Variants in MORC3 observed in about 807,000 individuals in gnomAD.
The protein encoded by MORC3 is MORC family CW-type zinc finger 3.
Under a neutral mutation model 109.1 loss-of-function variants are expected in MORC3, and 31 were observed. The ratio of observed to expected loss-of-function variants is 0.28; its 90% CI spans 0.21 to 0.38. The LOEUF is 0.38. MORC3 is among the 10% of genes least tolerant of loss of function. The probability of loss-of-function intolerance (pLI) is 1.00; values close to 1 mark genes in which losing one functional copy is unlikely to be tolerated. For synonymous variants in MORC3, 395 were observed against 380.7 expected (o/e 1.04, Z -0.44); for missense variants, 867 against 1,135.8 (o/e 0.76, Z 3.40).
At chr21:36,366,586 C>T (rs1294090110) in intron 14 of MORC3, among the ~76,000 whole-genome samples, 1 of 152,072 alleles carries the variant, frequency 6.6e-6, no homozygotes, top group Non-Finnish European at 1.5e-5. Context: ...TCCTGAGTAG[C>T]TGAGATTACA....
intron 5 of MORC3, among the ~76,000 whole-genome samples, chr21:36,339,803 C>CTTG (rs1046113713): frequency 7.2e-5 from 11 of 152,198 alleles, no homozygotes; most frequent in Non-Finnish European, 1.2e-4. Context: ...ACTGAAAAAA[C>CTTG]TTGTGCTATT....
chr21:36,341,870 A>G (rs1277100392), intron 6 of MORC3, among the ~76,000 whole-genome samples: 2 of 152,230 alleles, frequency 1.3e-5, no homozygotes, highest in African/African-American at 4.8e-5. Context: ...TAGAATCAAT[A>G]TATTAGTCAG....
At chr21:36,352,632 A>G (rs2085585877) in intron 9 of MORC3, among the ~76,000 whole-genome samples, 1 of 152,124 alleles carries the variant, frequency 6.6e-6, no homozygotes, top group African/African-American at 2.4e-5. Context: ...ATTTGGAGCA[A>G]TTTGGATTTT....
chr21:36,369,619 G>A lies in MORC3; in HGVS notation c.2251G>A (p.Asp751Asn), dbSNP rs2085829875. ...AACTTGCCATCAGTCCACTGAAACC[G>A]ATGCTGTATTTTTACTTGAAAGTAT... Reference protein sequence around the residue: ...KETCHQSTETDAVFLLESING... With the variant: ...KETCHQSTETNAVFLLESING... The change falls in exon 15 of 17, where the codon GAT becomes AAT. Residue 751 changes from aspartate (D) to asparagine (N), a missense_variant. Physicochemically the swap from Asp to Asn is conservative, Grantham distance 23. This residue lies in a region of MORC3 where 486 missense variants were observed against 502.1 expected (regional missense o/e 0.97). Transcript: ENST00000400485. 6.8e-6 allele frequency: 11 copies of A among 1,614,058 alleles called. No homozygotes were observed. The highest frequency in any genetic ancestry group is 2.2e-5 in the South Asian group (2 of 91,076).
At chr21:36,372,114 G>T (rs1263654260) in intron 15 of MORC3, among the ~76,000 whole-genome samples, 1 of 151,732 alleles carries the variant, frequency 6.6e-6, no homozygotes, top group Non-Finnish European at 1.5e-5. Context: ...TGCCCGGCTG[G>T]TTTTTCATTT....
At position 36,344,896 on chromosome 21, in the gene MORC3, A is replaced by G. The variant is rs1195209940; in HGVS notation, c.886-16A>G. The stretch of plus-strand genomic sequence containing the variant: ...GAGTGAGGTGTTGTGTTCAAAATTT[A>G]CCTTAATATTTTAAGTCTAAAACAG... On this transcript the variant is annotated splice_polypyrimidine_tract_variant and intron_variant, in intron 7 of 16. Coordinates refer to ENST00000400485, the MANE Select transcript of MORC3 (RefSeq NM_015358.3). The G allele has an allele frequency of 2.5e-6, 4 of 1,609,314 alleles. 1 individual carries two copies. In the African/African-American group the frequency reaches 4.0e-5, roughly 16 times the overall value.
rs917813957 is a variant in MORC3 at position 36,339,063 on chromosome 21, C to T, written c.608+142C>T. 5 of 996,246 alleles carry T rather than the reference C, an allele frequency of 5.0e-6. 1 individual carries two copies. The African/African-American group carries it at 8.2e-5, about 16-fold the overall frequency. 61.7% of individuals were successfully genotyped at this position (996,246 alleles called of 1,614,324 possible). A position where few individuals can be genotyped will look rare whatever the true frequency, so the allele number is the denominator to read the frequency against. ...TGGTGTAGTTACTGATTTGTCTTTG[C>T]CCAGGATATGTTATAGAGGCCATTT... On this transcript the variant is annotated intron_variant, in intron 5 of 16. Coordinates refer to ENST00000400485, the MANE Select transcript of MORC3 (RefSeq NM_015358.3).
At chr21:36,326,383 G>T (rs977672503) in intron 1 of MORC3, among the ~76,000 whole-genome samples, 1 of 151,904 alleles carries the variant, frequency 6.6e-6, no homozygotes, top group South Asian at 2.1e-4. Flanking sequence ...AAAATTAGCC[G>T]GGCATGGTGA....
At chr21:36,342,242 A>C (rs1449713041) in intron 6 of MORC3, among the ~76,000 whole-genome samples, 2 of 151,872 alleles carry the variant, frequency 1.3e-5, no homozygotes, top group East Asian at 3.9e-4. Flanking sequence ...AGACGCCATC[A>C]CACACACACA....
intron 1 of MORC3, among the ~76,000 whole-genome samples, chr21:36,329,252 G>A (rs2085285048): frequency 6.6e-6 from 1 of 151,622 alleles, no homozygotes. Context: ...CCGAGATTAT[G>A]TCATTGCACT....
intron 9 of MORC3, among the ~76,000 whole-genome samples, chr21:36,354,425 C>T (rs2085620643): frequency 6.6e-6 from 1 of 151,268 alleles, no homozygotes. Context: ...CTGCCTCAGC[C>T]TCCTGAGTAG....
intron 10 of MORC3, among the ~76,000 whole-genome samples, chr21:36,357,683 AC>A (rs1355716654): frequency 6.7e-6 from 1 of 148,818 alleles, no homozygotes; most frequent in Non-Finnish European, 1.5e-5. Flanking sequence ...TGCTTTATAA[AC>A]CTCTAGATTG....
chr21:36,364,789 C>T (rs530123056), intron 14 of MORC3, among the ~76,000 whole-genome samples: 2 of 151,722 alleles, frequency 1.3e-5, no homozygotes, highest in East Asian at 3.9e-4. Context: ...CGGTGGTTCA[C>T]GCCTGTAATC....
chr21:36,370,093 G>T (rs760170531), intron 15 of MORC3, among the ~76,000 whole-genome samples: 2 of 152,048 alleles, frequency 1.3e-5, no homozygotes, highest in Non-Finnish European at 2.9e-5. Flanking sequence ...TTAGCCTAGC[G>T]TGGTGGTGGG....
At chr21:36,330,628 C>T (rs1317822506) in intron 1 of MORC3, among the ~76,000 whole-genome samples, 2 of 152,164 alleles carry the variant, frequency 1.3e-5, no homozygotes, top group Non-Finnish European at 2.9e-5. Flanking sequence ...TCAGAATAAA[C>T]ATCTTCAAAT....
chr21:36,330,670 A>G (rs2085304873), intron 1 of MORC3, among the ~76,000 whole-genome samples: 1 of 152,344 alleles, frequency 6.6e-6, no homozygotes, highest in South Asian at 2.1e-4. Flanking sequence ...TTTAGTCGAC[A>G]GTAGCCAGAG....
rs71326674 is a variant in MORC3, at chr21:36,327,155, C to CTTTTTT, written c.40-6469_40-6464dup. Among the ~76,000 whole-genome samples, 65 of 81,942 alleles carry CTTTTTT rather than the reference C, an allele frequency of 7.9e-4. 7 individuals are homozygous for CTTTTTT. The highest frequency in any genetic ancestry group is 3.1e-3 in the African/African-American group (56 of 17,848). The allele number at this position is 81,942 out of a possible 152,430, so 53.8% of individuals were successfully genotyped here. A position where few individuals can be genotyped will look rare whatever the true frequency, so the allele number is the denominator to read the frequency against. ...TTAAAGATATTAATTGGCTTTATTT[C>CTTTTTT]TTTTTTTTTTTTTTTTTTTTTTTTT... On this transcript the variant is annotated intron_variant, in intron 1 of 16. Transcript: ENST00000400485.
intron 15 of MORC3, 21 bp downstream of exon 15, chr21:36,369,897 TGTA>T (rs1473989598): frequency 6.2e-7 from 1 of 1,602,136 alleles, no homozygotes; most frequent in East Asian, 2.2e-5. Flanking sequence ...TCATCCAACA[TGTA>T]GTCATGGAGT....
rs71326674 is a variant in MORC3, at chr21:36,327,155, CTT to C, written c.40-6465_40-6464del. On this transcript the variant is annotated intron_variant, in intron 1 of 16. Coordinates refer to ENST00000400485, the MANE Select transcript of MORC3 (RefSeq NM_015358.3). ...TTAAAGATATTAATTGGCTTTATTT[CTT>C]TTTTTTTTTTTTTTTTTTTTTTTTT... Among the ~76,000 whole-genome samples the C allele has an allele frequency of 6.7e-3, 547 of 81,874 alleles. 1 individual carries two copies. The highest frequency in any genetic ancestry group is 0.029 in the African/African-American group (514 of 17,782). The allele number at this position is 81,874 out of a possible 152,430, so 53.7% of individuals were successfully genotyped here. A position where few individuals can be genotyped will look rare whatever the true frequency, so the allele number is the denominator to read the frequency against.
Sources: gnomAD v4.1 joint callset for allele counts (sites outside exome capture counted in the v4.1 genomes callset) on GRCh38, gnomAD v4.1.1 for gene constraint, gnomAD v4.1.1 regional missense constraint, MANE v1.5 for transcripts, NCBI Gene and HGNC (gene_info 2026-07-23, HGNC 2026-07-21) for gene names.